The following TRPV6 variants were observed in gnomAD, a reference collection of about 807,000 sequenced individuals.
TRPV6 encodes the protein transient receptor potential cation channel subfamily V member 6, also known as Alu-binding protein with zinc finger domain.
Under a neutral mutation model 79.0 loss-of-function variants are expected in TRPV6, and 39 were observed. The ratio of observed to expected loss-of-function variants is 0.49; its 90% CI spans 0.38 to 0.64. TRPV6 has a LOEUF of 0.64. Among genes scored for constraint, TRPV6 ranks in the 30% least tolerant of loss-of-function variants. The pLI is 0.00. For missense variants in TRPV6, 813 were observed against 1,011.1 expected, an observed-to-expected ratio of 0.80 and a Z score of 2.66; for synonymous variants, 373 against 391.9, an observed-to-expected ratio of 0.95 and a Z score of 0.57.
At chr7:142,872,111 C>A in intron 14 of TRPV6, 122 bp from the exon 15 acceptor site, 1 of 1,386,966 alleles carries the variant, frequency 7.2e-7, no homozygotes, top group Non-Finnish European at 9.6e-7. Flanking sequence ...CCCTTTTCTG[C>A]AGCCATGGTG....
chr7:142,874,213 G>C, intron 11 of TRPV6, 71 bp from the exon 12 acceptor site: 1 of 1,524,512 alleles, frequency 6.6e-7, no homozygotes, highest in African/African-American at 1.4e-5. Flanking sequence ...GCCTCTAACA[G>C]GTCTCACCCC....
intron 1 of TRPV6, chr7:142,884,746 CAGTCCCCACCCGCA>C (rs1795267252): frequency 6.6e-6 from 1 of 152,204 alleles, no homozygotes; most frequent in African/African-American, 2.4e-5. Flanking sequence ...CGCTTCCCCT[CAGTCCCCACCCGCA>C]CTGAGAGAGA....
chr7:142,880,569 C>A (rs1467855873), intron 1 of TRPV6: 1 of 152,178 alleles, frequency 6.6e-6, no homozygotes, highest in Admixed American at 6.5e-5. Flanking sequence ...GTTCTACTCG[C>A]TGTATCCTAG....
chr7:142,874,996 A>G lies in TRPV6; in HGVS notation c.1330-16T>C. 6.2e-7 allele frequency: 1 copy of G among 1,614,104 alleles called. No homozygotes were observed. The highest frequency in any genetic ancestry group is 8.5e-7 in the Non-Finnish European group (1 of 1,180,030). On this transcript the variant is annotated splice_polypyrimidine_tract_variant and intron_variant, in intron 9 of 14. Transcript: ENST00000359396. Reference sequence around the variant, plus strand: ...TGTCTGGAACCTGAAGAGGTCAGGGAGACACAAAGGCACTCAGATACCGGA... The same window carrying G: ...TGTCTGGAACCTGAAGAGGTCAGGGGGACACAAAGGCACTCAGATACCGGA...
chr7:142,873,965 C>T lies in TRPV6; in HGVS notation c.1639+111G>A. 3.9e-6 allele frequency: 5 copies of T among 1,277,184 alleles called. No homozygotes were observed. Among genetic ancestry groups the T allele is most frequent in the Non-Finnish European group, 5.6e-6 (5 of 897,376 alleles). The allele number at this position is 1,277,184 out of a possible 1,614,324, so 79.1% of individuals were successfully genotyped here. A position where few individuals can be genotyped will look rare whatever the true frequency, so the allele number is the denominator to read the frequency against. On this transcript the variant is annotated intron_variant, in intron 12 of 14. Transcript: ENST00000359396. This position sits in a 1 kb window ranked among gnomAD's most constrained non-coding sequence, Gnocchi z 4.8. Reference sequence around the variant, plus strand: ...CGTCCCATCCTCTGATACCATAGGTCTCCTCTGATCTCTGCATTACTCCTC... The same window carrying T: ...CGTCCCATCCTCTGATACCATAGGTTTCCTCTGATCTCTGCATTACTCCTC...
chr7:142,881,907 A>G (rs1327400976), intron 1 of TRPV6: 1 of 152,276 alleles, frequency 6.6e-6, no homozygotes, highest in African/African-American at 2.4e-5. Flanking sequence ...GAAACAAGGC[A>G]GGATCACAAG....
chr7:142,871,614 G>T lies in TRPV6; in HGVS notation c.*93C>A. 1.4e-6 allele frequency: 2 copies of T among 1,455,900 alleles called. No individual in the cohort carries two copies. Among genetic ancestry groups the T allele is most frequent in the Non-Finnish European group, 1.9e-6 (2 of 1,077,710 alleles). 90.2% of individuals were successfully genotyped at this position (1,455,900 alleles called of 1,614,324 possible). A position where few individuals can be genotyped will look rare whatever the true frequency, so the allele number is the denominator to read the frequency against. On this transcript the variant is annotated 3_prime_UTR_variant, in exon 15 of 15. Coordinates refer to ENST00000359396, the MANE Select transcript of TRPV6 (RefSeq NM_018646.6). Reference sequence around the variant, plus strand: ...ACTCCTCTTTCTCCCCTGGGGCCTGGGAGATGAGACCTCTGGGTGTTTGGT... The same window carrying T: ...ACTCCTCTTTCTCCCCTGGGGCCTGTGAGATGAGACCTCTGGGTGTTTGGT...
At chr7:142,874,428 T>C in intron 11 of TRPV6, 63 bp downstream of exon 11, 1 of 1,600,406 alleles carries the variant, frequency 6.2e-7, no homozygotes, top group African/African-American at 1.3e-5. Context: ...CTGCCCTTTA[T>C]GGGACCGTCT....
chr7:142,872,234 C>T (rs570799359), intron 14 of TRPV6, 138 bp downstream of exon 14: 7 of 1,013,888 alleles, frequency 6.9e-6, no homozygotes, highest in South Asian at 4.9e-5. Flanking sequence ...CCCTTCCTCA[C>T]CAGCTCAATC....
chr7:142,876,323 G>T, intron 6 of TRPV6, 85 bp downstream of exon 6: 1 of 1,507,928 alleles, frequency 6.6e-7, no homozygotes. Flanking sequence ...ATCAGGGATC[G>T]CGTTCACCTC....
Position 142,876,478 on chromosome 7 carries a change from G to A in TRPV6, c.812C>T (p.Pro271Leu). ...CTGGTGATTGGGCACGAGGTCCAGGGGCTGCAGGTGGTCCCCATGTCTGTC... is the reference window on the plus strand; with the variant it reads ...CTGGTGATTGGGCACGAGGTCCAGGAGCTGCAGGTGGTCCCCATGTCTGTC... The change falls in exon 6 of 15, where the codon CCC becomes CTC. Residue 271 changes from proline to leucine, a missense_variant. Pro to Leu is a moderately conservative substitution (Grantham distance 98). Transcript: ENST00000359396. 1 of 1,614,154 alleles carries A rather than the reference G, an allele frequency of 6.2e-7. No individual in the cohort carries two copies. Among genetic ancestry groups the A allele is most frequent in the East Asian group, 2.2e-5 (1 of 44,870 alleles).
In TRPV6 at chr7:142,873,638, G is replaced by T. The variant is rs1794991838; in HGVS notation, c.1718C>A (p.Thr573Asn). The change falls in exon 13 of 15, where the codon ACC becomes AAC. Residue 573 changes from threonine to asparagine, a missense_variant. This residue lies in a region of TRPV6 where 94 missense variants were observed against 194.0 expected (regional missense o/e 0.48). Coordinates refer to ENST00000359396, the MANE Select transcript of TRPV6 (RefSeq NM_018646.6). This position sits in a 1 kb window ranked among gnomAD's most constrained non-coding sequence, Gnocchi z 4.8. ...GATGATGGTAAGGAACAGCTCGAAG[G>T]TGCTGAACAGGGCCATGGGGTAGTC... 1 of 1,614,074 alleles carries T rather than the reference G, an allele frequency of 6.2e-7. No individual in the cohort carries two copies. The highest frequency in any genetic ancestry group is 8.5e-7 in the Non-Finnish European group (1 of 1,180,042).
chr7:142,872,000 C>T lies in TRPV6; in HGVS notation c.2016-11G>A, dbSNP rs114489897. On this transcript the variant is annotated splice_polypyrimidine_tract_variant and intron_variant, in intron 14 of 14. Coordinates refer to ENST00000359396, the MANE Select transcript of TRPV6 (RefSeq NM_018646.6). ...TGCCTGTCTTCCACCCTGTGGAATG[C>T]GGGAGGACTTGAGACACAGCCAGGA... 2,139 of 1,569,756 alleles carry T rather than the reference C, an allele frequency of 1.4e-3. 30 individuals carry two copies. The African/African-American group carries it at 0.026, about 19-fold the overall frequency.
intron 13 of TRPV6, among the ~76,000 whole-genome samples, chr7:142,872,831 C>T (rs1794971797): frequency 6.6e-6 from 1 of 152,132 alleles, no homozygotes; most frequent in Non-Finnish European, 1.5e-5. Context: ...TCTGAGTGAA[C>T]CTTATTTCCC....
Position 142,875,833 on chromosome 7 carries a change from A to T in TRPV6, c.954T>A (p.Tyr318Ter). 6 of 1,611,884 alleles carry T rather than the reference A, an allele frequency of 3.7e-6. No individual in the cohort carries two copies. The highest frequency in any genetic ancestry group is 5.1e-6 in the Non-Finnish European group (6 of 1,178,874). The change falls in exon 7 of 15, where the codon TAT (tyrosine) becomes TAA (stop). Residue 318 changes from tyrosine to a stop codon, truncating the protein, a stop_gained. Transcript: ENST00000359396. LOFTEE classifies it high-confidence loss of function. The stretch of plus-strand genomic sequence containing the variant: ...CTGAGGAGTCGATCTCTGTGAGGTC[A>T]TAGAGAGTCGAGGTCAGTGGTCCAT...
Position 142,877,216 on chromosome 7 carries a change from G to A in TRPV6, c.533C>T (p.Ala178Val). 6.2e-7 allele frequency: 1 copy of A among 1,614,240 alleles called. No homozygotes were observed. Among genetic ancestry groups the A allele is most frequent in the South Asian group, 1.1e-5 (1 of 91,086 alleles). ...TCTGGCAGAGACACTGGCCCTGCGG[G>A]CAAGCAGGGCTCGCACCAGGTTCAT... Residue 178 changes from alanine (A) to valine (V), a missense_variant, in exon 4 of 15, where the codon GCC becomes GTC. Physicochemically the swap from Ala to Val is moderately conservative, Grantham distance 64. Transcript: ENST00000359396.
chr7:142,877,679 A>G lies in TRPV6; in HGVS notation c.441T>C (p.Phe147=), dbSNP rs147147490. Residue 147 remains phenylalanine, a synonymous_variant, in exon 3 of 15, where the codon TTT becomes TTC. Transcript: ENST00000359396. ...CATAGAGCTCAGATGTCATGGGCTC[A>G]AAGACCAGCTCCGGGGCAGCCTCCA... 44 of 1,614,080 alleles carry G rather than the reference A, an allele frequency of 2.7e-5. No homozygotes were observed. Among genetic ancestry groups the G allele is most frequent in the African/African-American group, 6.7e-5 (5 of 74,928 alleles).
rs752238257 is a variant in TRPV6 at position 142,874,870 on chromosome 7, G to A, written c.1406+34C>T. 4.5e-5 allele frequency: 73 copies of A among 1,612,498 alleles called. No homozygotes were observed. The Middle Eastern group carries it at 1.6e-3, about 36-fold the overall frequency. On this transcript the variant is annotated intron_variant, in intron 10 of 14. Coordinates refer to ENST00000359396, the MANE Select transcript of TRPV6 (RefSeq NM_018646.6). ...AGGAGTGGAACTGGAGCCCTGTTGA[G>A]GGAAGGGATGGGAGTGAGAGGAAGG...
At chr7:142,878,058 C>G (rs757690296) in intron 1 of TRPV6, 32 bp from the exon 2 acceptor site, 2 of 1,575,514 alleles carry the variant, frequency 1.3e-6, no homozygotes, top group Non-Finnish European at 8.7e-7. Context: ...AAGCTGGAAA[C>G]AGTGAGCATA....
Sources: allele counts gnomAD v4.1 joint callset (sites outside exome capture counted in the v4.1 genomes callset), GRCh38; gene constraint gnomAD v4.1.1; regional missense constraint gnomAD v4.1.1; non-coding constraint Gnocchi (gnomAD v3.1); transcripts MANE v1.5; gene names NCBI Gene and HGNC (gene_info 2026-07-23, HGNC 2026-07-21).